CALN1: variants seen among roughly 807,000 people sequenced by gnomAD.
CALN1 encodes calneuron 1, also known as calcium-binding protein 8.
A neutral mutation model predicts 30.6 loss-of-function variants in CALN1; 17 were observed. The observed-to-expected ratio is 0.56, with a 90% confidence interval of 0.38 to 0.83. The LOEUF (loss-of-function observed/expected upper bound fraction) is 0.83. Ranked by LOEUF, CALN1 falls within the 40% of genes least tolerant of loss-of-function variation. The pLI is 0.00. For synonymous variants in CALN1, 156 were observed against 131.4 expected, an observed-to-expected ratio of 1.19 and a Z score of -1.28; for missense variants, 291 against 354.9, an observed-to-expected ratio of 0.82 and a Z score of 1.45.
rs372201864 is a variant in CALN1, at chr7:72,394,048, CAAG to C, written c.119+9200_119+9202del. On this transcript the variant is annotated intron_variant, in intron 2 of 6. Transcript: ENST00000395275. ...CCAAGAGATGGGGTCAGCAAATCTC[CAAG>C]AAGATGAAAAAGTGATCAGAATTTC... 2.2e-4 allele frequency among the ~76,000 whole-genome samples: 33 copies of C among 152,266 alleles called. No individual in the cohort carries two copies. In the East Asian group the frequency reaches 2.5e-3, roughly 12 times the overall value.
At chr7:72,473,191 T>A in the CALN1 span, among the ~76,000 whole-genome samples, 1 of 151,862 alleles carries the variant, frequency 6.6e-6, no homozygotes, top group African/African-American at 2.4e-5. Flanking sequence ...ATTCAAGCGA[T>A]CCACCCACTT....
chr7:72,226,765 G>C (rs895223276), intron 3 of CALN1, among the ~76,000 whole-genome samples: 1 of 152,262 alleles, frequency 6.6e-6, no homozygotes, highest in East Asian at 1.9e-4. Flanking sequence ...CCATAAGTCT[G>C]GCCACAGTGG....
chr7:71,900,999 A>G (rs61202888), intron 5 of CALN1, among the ~76,000 whole-genome samples: 17,384 of 152,090 alleles, frequency 0.11, 1,677 homozygotes, highest in East Asian at 0.42. Context: ...AGTTTCCCCA[A>G]TGCCAGTCAG....
At chr7:72,312,822 C>T (rs576504374) in intron 2 of CALN1, among the ~76,000 whole-genome samples, 12 of 145,628 alleles carry the variant, frequency 8.2e-5, no homozygotes, top group Non-Finnish European at 1.4e-4. Flanking sequence ...AATAAGGGAA[C>T]ATTTGCCCTA....
chr7:72,209,446 T>TTCCCTCCTTCCCTCCTTCCC (rs1792219433), intron 3 of CALN1, among the ~76,000 whole-genome samples: 2 of 119,500 alleles, frequency 1.7e-5, no homozygotes, highest in Admixed American at 8.1e-5. Flanking sequence ...CCCTCCTTCC[T>TTCCCTCCTTCCCTCCTTCCC]TCCTTACATC....
chr7:71,796,960 T>A (rs759362463), intron 6 of CALN1, among the ~76,000 whole-genome samples: 4 of 145,814 alleles, frequency 2.7e-5, no homozygotes, highest in Non-Finnish European at 4.4e-5. Context: ...TTTGACTGTT[T>A]CTTTCCCTCT....
At chr7:72,283,846 A>C (rs1797894037) in intron 2 of CALN1, among the ~76,000 whole-genome samples, 1 of 151,942 alleles carries the variant, frequency 6.6e-6, no homozygotes, top group Non-Finnish European at 1.5e-5. Context: ...ACTTGAATGG[A>C]AAGTGCCAGA....
At chr7:72,312,394 GAAAAAAAAAA>G (rs768174448) in intron 2 of CALN1, among the ~76,000 whole-genome samples, 1 of 71,828 alleles carries the variant, frequency 1.4e-5, no homozygotes. Context: ...CTTCATCTCA[GAAAAAAAAAA>G]AAAAAAAAAA....
chr7:71,852,345 A>C (rs1398059859), intron 5 of CALN1, among the ~76,000 whole-genome samples: 1 of 152,032 alleles, frequency 6.6e-6, no homozygotes, highest in African/African-American at 2.4e-5. Context: ...TAGCTTTATA[A>C]GAAACTGCCG....
the CALN1 span, among the ~76,000 whole-genome samples, chr7:72,495,874 A>G: frequency 6.6e-6 from 1 of 152,218 alleles, no homozygotes; most frequent in African/African-American, 2.4e-5. Context: ...AGATTTGTAT[A>G]TCATGGGCAG....
intron 4 of CALN1, among the ~76,000 whole-genome samples, chr7:72,084,552 G>A (rs552433977): frequency 2.6e-5 from 4 of 151,858 alleles, no homozygotes; most frequent in African/African-American, 7.2e-5. Context: ...GTAGAGATGG[G>A]GTTTCACCAT....
chr7:71,859,160 T>C lies in CALN1; in HGVS notation c.502-48668A>G, dbSNP rs1383161499. Among the ~76,000 whole-genome samples, 4 of 152,266 alleles carry C rather than the reference T, an allele frequency of 2.6e-5. No individual in the cohort carries two copies. In the East Asian group the frequency reaches 7.7e-4, roughly 29 times the overall value. On this transcript the variant is annotated intron_variant, in intron 5 of 6. Coordinates refer to ENST00000395275, the MANE Select transcript of CALN1 (RefSeq NM_031468.4). Reference sequence around the variant, plus strand: ...TCACTGCAACCTCTGCCTCCTGGGTTCAAGCAATTCTCAGGCCTCAGCCTC... The same window carrying C: ...TCACTGCAACCTCTGCCTCCTGGGTCCAAGCAATTCTCAGGCCTCAGCCTC...
At chr7:72,407,035 C>T (rs752832057) in intron 1 of CALN1, among the ~76,000 whole-genome samples, 1 of 152,186 alleles carries the variant, frequency 6.6e-6, no homozygotes, top group Non-Finnish European at 1.5e-5. Context: ...CTCTTATCCA[C>T]CCAAAAAGTG....
intron 6 of CALN1, among the ~76,000 whole-genome samples, chr7:71,789,047 C>T (rs1319099475): frequency 2.0e-5 from 3 of 152,158 alleles, no homozygotes; most frequent in African/African-American, 7.2e-5. Context: ...AAGCCACCCT[C>T]CTGCCTCTGC....
intron 3 of CALN1, among the ~76,000 whole-genome samples, chr7:72,278,356 T>C (rs1247172966): frequency 2.0e-5 from 3 of 152,042 alleles, no homozygotes. Context: ...ATTCCATTGG[T>C]GATAAAGACT....
chr7:72,335,147 T>G (rs1481477008), intron 2 of CALN1, among the ~76,000 whole-genome samples: 1 of 152,002 alleles, frequency 6.6e-6, no homozygotes, highest in East Asian at 1.9e-4. Context: ...ACATTCTTCT[T>G]CCAACACCTC....
intron 4 of CALN1, among the ~76,000 whole-genome samples, chr7:72,025,664 A>C (rs6965309): frequency 0.14 from 21,535 of 151,966 alleles, 2,374 homozygotes; most frequent in East Asian, 0.34. Context: ...GCACCCTCTG[A>C]ACTGCTCAAA....
chr7:72,028,007 C>T (rs1277221917), intron 4 of CALN1, among the ~76,000 whole-genome samples: 5 of 141,618 alleles, frequency 3.5e-5, no homozygotes, highest in Admixed American at 8.0e-5. Flanking sequence ...TGCAGTGAGC[C>T]GAGATCGCGC....
intron 3 of CALN1, among the ~76,000 whole-genome samples, chr7:72,225,574 G>A (rs970962511): frequency 6.6e-6 from 1 of 152,008 alleles, no homozygotes; most frequent in Non-Finnish European, 1.5e-5. Context: ...GGTCTCTGAA[G>A]ACTGATAATT....
Sources: gnomAD v4.1 joint callset for allele counts (sites outside exome capture counted in the v4.1 genomes callset) on GRCh38, gnomAD v4.1.1 for gene constraint, MANE v1.5 for transcripts, NCBI Gene and HGNC (gene_info 2026-07-23, HGNC 2026-07-21) for gene names.